HMG20A: variants seen among roughly 807,000 people sequenced by gnomAD.
HMG20A encodes high mobility group 20A.
In HMG20A, 17 loss-of-function variants were observed where a neutral mutation model predicts 43.9. The observed-to-expected ratio is 0.39, with a 90% CI of 0.27 to 0.58. HMG20A has a LOEUF of 0.58. Ranked by LOEUF, HMG20A falls within the 20% of genes least tolerant of loss-of-function variation. HMG20A has a pLI of 0.59. For missense variants in HMG20A, 341 were observed against 438.2 expected (o/e 0.78, Z 1.98); for synonymous variants, 132 against 147.5 (o/e 0.89, Z 0.76).
At chr15:77,434,025 G>A (rs1007015995) in intron 1 of HMG20A, among the ~76,000 whole-genome samples, 1 of 152,184 alleles carries the variant, frequency 6.6e-6, no homozygotes, top group East Asian at 1.9e-4. Context: ...TGGTAATGGC[G>A]CAAGGATAGA....
intron 1 of HMG20A, among the ~76,000 whole-genome samples, chr15:77,429,664 G>A (rs11632729): frequency 0.26 from 40,210 of 152,052 alleles, 5,638 homozygotes; most frequent in Middle Eastern, 0.38. Flanking sequence ...AATGTTAATA[G>A]CACTGATATC....
the HMG20A span, among the ~76,000 whole-genome samples, chr15:77,512,526 G>C: frequency 6.6e-6 from 1 of 152,142 alleles, no homozygotes; most frequent in Non-Finnish European, 1.5e-5. Context: ...TCAAAATGAT[G>C]ATCTGTGAGT....
chr15:77,478,700 C>T (rs2072879781), intron 8 of HMG20A, among the ~76,000 whole-genome samples, 190 bp downstream of exon 8: 1 of 152,178 alleles, frequency 6.6e-6, no homozygotes. Context: ...ATGTTTCAGG[C>T]TCTCTGGTCA....
chr15:77,492,251 C>G, the HMG20A span, among the ~76,000 whole-genome samples: 2 of 152,040 alleles, frequency 1.3e-5, no homozygotes, highest in African/African-American at 2.4e-5. Context: ...TAGTAGTGAC[C>G]ATAAATAATA....
chr15:77,456,433 C>T (rs1179996539), intron 1 of HMG20A, among the ~76,000 whole-genome samples: 1 of 152,120 alleles, frequency 6.6e-6, no homozygotes, highest in African/African-American at 2.4e-5. Context: ...GTAATCCTAA[C>T]ACTTTGGGAG....
At chr15:77,513,061 T>G in the HMG20A span, among the ~76,000 whole-genome samples, 1 of 152,134 alleles carries the variant, frequency 6.6e-6, no homozygotes. Context: ...AAAGTAAAGA[T>G]GAAGGAACTG....
At chr15:77,423,512 A>T (rs1049843935) in intron 1 of HMG20A, among the ~76,000 whole-genome samples, 1 of 152,206 alleles carries the variant, frequency 6.6e-6, no homozygotes, top group Non-Finnish European at 1.5e-5. Flanking sequence ...TCATTCCATT[A>T]CTTGCCATAT....
At chr15:77,510,420 G>A in the HMG20A span, among the ~76,000 whole-genome samples, 2 of 152,234 alleles carry the variant, frequency 1.3e-5, no homozygotes, top group African/African-American at 4.8e-5. Flanking sequence ...TCATATTCCA[G>A]GGGCCAGGAT....
the HMG20A span, among the ~76,000 whole-genome samples, chr15:77,517,773 C>G: frequency 2.0e-5 from 3 of 152,008 alleles, no homozygotes; most frequent in South Asian, 6.2e-4. Flanking sequence ...CTCAGACGAC[C>G]CTTCCCCTCC....
chr15:77,427,470 A>T (rs1357462841), intron 1 of HMG20A, among the ~76,000 whole-genome samples: 28 of 152,208 alleles, frequency 1.8e-4, no homozygotes. Flanking sequence ...TGATAACAGC[A>T]ATGTATAAGG....
At chr15:77,462,443 G>A (rs1271626125) in intron 2 of HMG20A, among the ~76,000 whole-genome samples, 1 of 152,028 alleles carries the variant, frequency 6.6e-6, no homozygotes, top group East Asian at 1.9e-4. Context: ...ATCTAGCACT[G>A]CCCATTATTT....
chr15:77,454,401 G>A (rs1006236119), intron 1 of HMG20A, among the ~76,000 whole-genome samples: 1 of 152,118 alleles, frequency 6.6e-6, no homozygotes, highest in Non-Finnish European at 1.5e-5. Flanking sequence ...TCCAAAAAAA[G>A]CAATTTAGTA....
chr15:77,458,418 T>C lies in HMG20A; in HGVS notation c.11T>C (p.Leu4Ser), dbSNP rs759555465. The change falls in exon 2 of 10, where the codon TTG becomes TCG. Residue 4 changes from leucine (L) to serine (S), a missense_variant. By Grantham distance (145) the Leu-to-Ser change is moderately radical (BLOSUM62 -2). Coordinates refer to ENST00000336216, the MANE Select transcript of HMG20A (RefSeq NM_001304504.2). MEN[L>S]MTSSTLPPLF... ...TTTCCTTTCAGAGAGATGGAAAACT[T>C]GATGACTAGCTCCACCCTACCGCCC... The C allele has an allele frequency of 9.9e-6, 16 of 1,612,584 alleles. No homozygotes were observed. The South Asian group carries it at 1.6e-4, about 17-fold the overall frequency.
intron 1 of HMG20A, among the ~76,000 whole-genome samples, chr15:77,455,527 T>G (rs937237): frequency 2.0e-5 from 3 of 151,702 alleles, no homozygotes; most frequent in African/African-American, 7.3e-5. Context: ...CAAAGTAATA[T>G]CATTTTTGTG....
chr15:77,423,245 G>A (rs2073389864), intron 1 of HMG20A, among the ~76,000 whole-genome samples: 1 of 152,082 alleles, frequency 6.6e-6, no homozygotes, highest in African/African-American at 2.4e-5. Context: ...GTGATAAGTG[G>A]CAGTTATTCA....
chr15:77,508,445 C>T, the HMG20A span, among the ~76,000 whole-genome samples: 6 of 152,364 alleles, frequency 3.9e-5, no homozygotes, highest in African/African-American at 1.4e-4. Flanking sequence ...ATGCTCAGCT[C>T]TATGAATAGT....
intron 2 of HMG20A, among the ~76,000 whole-genome samples, chr15:77,463,087 T>C (rs949296996): frequency 5.9e-5 from 9 of 152,092 alleles, no homozygotes; most frequent in Non-Finnish European, 1.0e-4. Flanking sequence ...GCCTCTTAAG[T>C]ATCTCTTAAC....
At chr15:77,439,898 A>AT (rs748315823) in intron 1 of HMG20A, among the ~76,000 whole-genome samples, 42 of 150,844 alleles carry the variant, frequency 2.8e-4, no homozygotes, top group African/African-American at 7.6e-4. Flanking sequence ...GTGTATTGTC[A>AT]TTTTTTTTTA....
downstream of HMG20A, among the ~76,000 whole-genome samples, chr15:77,486,780 TAAG>T (rs1425334925): frequency 4.6e-5 from 7 of 152,156 alleles, no homozygotes; most frequent in African/African-American, 9.7e-5. Context: ...TGTACTATTG[TAAG>T]AAGGATAGAG....
Sources: allele counts gnomAD v4.1 joint callset (sites outside exome capture counted in the v4.1 genomes callset), GRCh38; gene constraint gnomAD v4.1.1; transcripts MANE v1.5; gene names NCBI Gene and HGNC (gene_info 2026-07-23, HGNC 2026-07-21).